ST8SIA4: variants seen among roughly 807,000 people sequenced by gnomAD.
The protein encoded by ST8SIA4 is ST8 alpha-N-acetyl-neuraminide alpha-2,8-sialyltransferase 4.
A neutral mutation model predicts 33.9 loss-of-function variants in ST8SIA4; 15 were observed. That is an observed-to-expected ratio of 0.44 (90% CI 0.30 to 0.68). The LOEUF (loss-of-function observed/expected upper bound fraction) is 0.68. ST8SIA4 is among the 30% of genes least tolerant of loss of function. The pLI is 0.10. For missense variants in ST8SIA4, 321 were observed against 428.0 expected (o/e 0.75, Z 2.21); for synonymous variants, 171 against 151.2 (o/e 1.13, Z -0.96).
chr5:100,903,159 C>G lies in ST8SIA4; in HGVS notation c.-204G>C. 1 of 576,676 alleles carries G rather than the reference C, an allele frequency of 1.7e-6. No homozygotes were observed. The highest frequency in any genetic ancestry group is 3.1e-6 in the Non-Finnish European group (1 of 325,168). 35.7% of individuals were successfully genotyped at this position (576,676 alleles called of 1,614,324 possible). On this transcript the variant is annotated 5_prime_UTR_variant, in exon 1 of 5. Coordinates refer to ENST00000231461, the MANE Select transcript of ST8SIA4 (RefSeq NM_005668.6). ...GAACGCTGCCCAGCGACCTCTCGCC[C>G]TGTTTGCGCCAGCTCTGCCAGGGTC...
chr5:100,823,025 G>A (rs903266960), intron 4 of ST8SIA4, among the ~76,000 whole-genome samples: 2 of 152,112 alleles, frequency 1.3e-5, no homozygotes, highest in African/African-American at 2.4e-5. Flanking sequence ...CAGCTACTCG[G>A]GGGGCTGAGG....
At chr5:100,894,733 A>G (rs544377694) in intron 2 of ST8SIA4, among the ~76,000 whole-genome samples, 7 of 152,222 alleles carry the variant, frequency 4.6e-5, no homozygotes, top group African/African-American at 1.7e-4. Context: ...AATCTACATT[A>G]AAGGTAGGTA....
intron 3 of ST8SIA4, among the ~76,000 whole-genome samples, chr5:100,871,349 T>C (rs1437686468): frequency 6.6e-6 from 1 of 152,080 alleles, no homozygotes; most frequent in African/African-American, 2.4e-5. Flanking sequence ...AAAAATATCA[T>C]CCCTACTTTT....
At chr5:100,868,685 CTTTG>C (rs1238754320) in intron 3 of ST8SIA4, among the ~76,000 whole-genome samples, 2 of 152,016 alleles carry the variant, frequency 1.3e-5, no homozygotes, top group Non-Finnish European at 2.9e-5. Flanking sequence ...CTACCTATGT[CTTTG>C]TTTATCTGTA....
At chr5:100,859,364 G>T (rs561001983) in intron 3 of ST8SIA4, among the ~76,000 whole-genome samples, 9 of 152,198 alleles carry the variant, frequency 5.9e-5, no homozygotes, top group African/African-American at 2.2e-4. Context: ...GTTTTAAAAT[G>T]ATGGACTTTG....
intron 3 of ST8SIA4, among the ~76,000 whole-genome samples, chr5:100,870,125 C>T (rs370306903): frequency 1.3e-5 from 2 of 152,154 alleles, no homozygotes; most frequent in African/African-American, 4.8e-5. Context: ...CGATAGTTTA[C>T]TCAGAATGAT....
At chr5:100,893,679 A>G (rs1192393596) in intron 2 of ST8SIA4, among the ~76,000 whole-genome samples, 1 of 152,162 alleles carries the variant, frequency 6.6e-6, no homozygotes. Context: ...GCATGACCAG[A>G]TATAATACTT....
intron 3 of ST8SIA4, among the ~76,000 whole-genome samples, chr5:100,862,679 G>A (rs761490141): frequency 1.3e-5 from 2 of 152,200 alleles, no homozygotes; most frequent in African/African-American, 4.8e-5. Context: ...TGGGATTACA[G>A]GCATGAGCCA....
At chr5:100,844,645 G>A (rs1351275272) in intron 4 of ST8SIA4, among the ~76,000 whole-genome samples, 2 of 151,910 alleles carry the variant, frequency 1.3e-5, no homozygotes, top group African/African-American at 4.8e-5. Flanking sequence ...TTATTTCTAA[G>A]AAGTCAGTCA....
At chr5:100,855,331 C>T (rs1751791213) in intron 4 of ST8SIA4, among the ~76,000 whole-genome samples, 1 of 152,172 alleles carries the variant, frequency 6.6e-6, no homozygotes, top group Non-Finnish European at 1.5e-5. Context: ...TATTAGGCCA[C>T]TAGTGAATTG....
intron 4 of ST8SIA4, among the ~76,000 whole-genome samples, chr5:100,826,958 A>G (rs2544912): frequency 0.33 from 48,810 of 148,484 alleles, 8,131 homozygotes; most frequent in African/African-American, 0.36. Flanking sequence ...ATGTGTGTGT[A>G]TATACACACA....
intron 3 of ST8SIA4, among the ~76,000 whole-genome samples, chr5:100,883,424 C>T (rs935166638): frequency 1.3e-5 from 2 of 152,102 alleles, no homozygotes; most frequent in Admixed American, 6.6e-5. Context: ...GGCTCATAGG[C>T]GGAAGGGACT....
chr5:100,870,728 C>A (rs942475745), intron 3 of ST8SIA4, among the ~76,000 whole-genome samples: 4 of 152,036 alleles, frequency 2.6e-5, no homozygotes, highest in Non-Finnish European at 5.9e-5. Flanking sequence ...CTCATCACAA[C>A]TTATATTTCA....
intron 3 of ST8SIA4, chr5:100,885,429 C>G: frequency 1.1e-6 from 1 of 941,504 alleles, no homozygotes; most frequent in Non-Finnish European, 1.3e-6. Context: ...GCTTTTAAGA[C>G]TTTATTTAAA....
At chr5:100,850,903 T>C (rs1751681813) in intron 4 of ST8SIA4, among the ~76,000 whole-genome samples, 1 of 150,842 alleles carries the variant, frequency 6.6e-6, no homozygotes, top group African/African-American at 2.4e-5. Context: ...AAAGGTAATA[T>C]AAGACTAGTT....
Position 100,811,518 on chromosome 5 carries a change from C to A in ST8SIA4, c.*329G>T. 5.4e-6 allele frequency: 1 copy of A among 185,336 alleles called. No individual in the cohort carries two copies. The highest frequency in any genetic ancestry group is 1.1e-5 in the Non-Finnish European group (1 of 88,836). 11.5% of individuals were successfully genotyped at this position (185,336 alleles called of 1,614,324 possible). On this transcript the variant is annotated 3_prime_UTR_variant, in exon 5 of 5. Coordinates refer to ENST00000231461, the MANE Select transcript of ST8SIA4 (RefSeq NM_005668.6). ...TCCTCTTCTAATATGCTTGGTGTTG[C>A]TGTGGGCAGCCTGACAGTGATGAAC...
intron 4 of ST8SIA4, among the ~76,000 whole-genome samples, chr5:100,834,081 A>T (rs768400346): frequency 3.0e-4 from 45 of 152,304 alleles, no homozygotes; most frequent in Non-Finnish European, 4.7e-4. Flanking sequence ...TAATATAATA[A>T]TCAAAAGACA....
intron 3 of ST8SIA4, among the ~76,000 whole-genome samples, chr5:100,885,090 C>T (rs1217084139): frequency 2.0e-5 from 3 of 149,950 alleles, no homozygotes; most frequent in Admixed American, 6.6e-5. Context: ...AGCTATACTT[C>T]GCATAGACTT....
Position 100,856,412 on chromosome 5 carries a change from T to G in ST8SIA4, c.504-16A>C. The G allele has an allele frequency of 1.3e-6, 2 of 1,591,288 alleles. No individual in the cohort carries two copies. Among genetic ancestry groups the G allele is most frequent in the Non-Finnish European group, 1.7e-6 (2 of 1,168,306 alleles). On this transcript the variant is annotated splice_polypyrimidine_tract_variant and intron_variant, in intron 3 of 4. Transcript: ENST00000231461. ...TAGATTACACCTGAAGAGGAAAAAA[T>G]TAATGGGACAAATGAAAAAAAAAGA...
Sources: allele counts gnomAD v4.1 joint callset (sites outside exome capture counted in the v4.1 genomes callset), GRCh38; gene constraint gnomAD v4.1.1; transcripts MANE v1.5; gene names NCBI Gene and HGNC (gene_info 2026-07-23, HGNC 2026-07-21).